FANCM: variants seen among roughly 807,000 people sequenced by gnomAD.
FANCM encodes the protein Fanconi anemia group M protein.
Under a neutral mutation model 199.5 loss-of-function variants are expected in FANCM, and 140 were observed. The observed-to-expected ratio is 0.70, with a 90% confidence interval of 0.61 to 0.81. FANCM has a LOEUF of 0.81. Ranked by LOEUF, FANCM falls within the 30% of genes least tolerant of loss-of-function variation. FANCM has a pLI of 0.00. For missense variants in FANCM, 2,410 were observed against 2,421.4 expected (o/e 1.00, Z 0.10); for synonymous variants, 840 against 836.8 (o/e 1.00, Z -0.07).
At chr14:45,174,972 A>G in intron 13 of FANCM, 99 bp from the exon 14 acceptor site, 1 of 676,226 alleles carries the variant, frequency 1.5e-6, no homozygotes, top group Non-Finnish European at 2.6e-6. Context: ...ACAATGTAAT[A>G]ATATAAATAT....
intron 6 of FANCM, 94 bp from the exon 7 acceptor site, chr14:45,154,603 C>CA: frequency 1.1e-6 from 1 of 910,134 alleles, no homozygotes; most frequent in Non-Finnish European, 1.6e-6. Flanking sequence ...GAAAAACTTA[C>CA]ATTCATTGCT....
chr14:45,135,944 G>GA lies in FANCM; in HGVS notation c.-86dup, dbSNP rs1885448766. 3 of 1,446,700 alleles carry GA rather than the reference G, an allele frequency of 2.1e-6. No individual in the cohort carries two copies. Among genetic ancestry groups the GA allele is most frequent in the Non-Finnish European group, 2.9e-6 (3 of 1,034,226 alleles). 89.6% of individuals were successfully genotyped at this position (1,446,700 alleles called of 1,614,324 possible). On this transcript the variant is annotated 5_prime_UTR_variant, in exon 1 of 23. Transcript: ENST00000267430. ...GCCTTCTCGTTCCAGAGTTTTGTGCGAAGGAAACCGATGGGGATCGGAACC... is the reference window on the plus strand; with the variant it reads ...GCCTTCTCGTTCCAGAGTTTTGTGCGAAAGGAAACCGATGGGGATCGGAACC...
At position 45,175,644 on chromosome 14, in the gene FANCM, G is replaced by A. The variant is rs200017450; in HGVS notation, c.2890G>A (p.Glu964Lys). Reference protein sequence around the residue: ...SVSSNLFLPFEEELYIVRTDD... With the variant: ...SVSSNLFLPFKEELYIVRTDD... ...TTCATCTAACTTATTTCTTCCATTC[G>A]AAGAAGAGCTTTATATTGTTAGAAC... Residue 964 changes from glutamate to lysine, a missense_variant, in exon 14 of 23, where the codon GAA becomes AAA. Glu to Lys is a moderately conservative substitution (Grantham distance 56, BLOSUM62 1). Transcript: ENST00000267430. 3.3e-5 allele frequency: 54 copies of A among 1,612,912 alleles called. No individual in the cohort carries two copies. Among genetic ancestry groups the A allele is most frequent in the Middle Eastern group, 1.6e-4 (1 of 6,076 alleles).
Position 45,176,589 on chromosome 14 carries a change from G to A in FANCM, c.3835G>A (p.Ala1279Thr), listed in dbSNP as rs748611033. 7 of 1,607,696 alleles carry A rather than the reference G, an allele frequency of 4.4e-6. No individual in the cohort carries two copies. In the South Asian group the frequency reaches 6.7e-5, roughly 15 times the overall value. Residue 1279 changes from alanine (A) to threonine (T), a missense_variant, in exon 14 of 23, where the codon GCA becomes ACA. Ala to Thr is a moderately conservative substitution (Grantham distance 58). Transcript: ENST00000267430. ...ISDANYVSNQALIPRDHSKNF... is the reference protein window; with the variant it reads ...ISDANYVSNQTLIPRDHSKNF... ...TGATGCAAATTATGTTTCGAATCAA[G>A]CACTAATACCAAGAGATCATAGTAA...
chr14:45,171,651 T>A (rs533104016), intron 12 of FANCM, among the ~76,000 whole-genome samples: 1 of 152,140 alleles, frequency 6.6e-6, no homozygotes, highest in East Asian at 1.9e-4. Flanking sequence ...GCGAATGTAA[T>A]AATTTCATTC....
At chr14:45,181,072 G>A (rs1356991783) in intron 14 of FANCM, among the ~76,000 whole-genome samples, 1 of 152,114 alleles carries the variant, frequency 6.6e-6, no homozygotes. Context: ...AAGACACAAA[G>A]GGCAGAAAGA....
At chr14:45,187,241 C>T (rs977322936) in intron 18 of FANCM, among the ~76,000 whole-genome samples, 2 of 148,606 alleles carry the variant, frequency 1.3e-5, no homozygotes, top group African/African-American at 4.9e-5. Context: ...TCGAAATTCA[C>T]ATTATCTTTT....
At chr14:45,150,639 C>T (rs1254318986) in intron 4 of FANCM, among the ~76,000 whole-genome samples, 1 of 152,190 alleles carries the variant, frequency 6.6e-6, no homozygotes, top group East Asian at 1.9e-4. Context: ...CATACCTTAT[C>T]ATTCACATGT....
Position 45,185,063 on chromosome 14 carries a change from T to C in FANCM, c.4516-154T>C, listed in dbSNP as rs559326984. On this transcript the variant is annotated intron_variant, in intron 17 of 22. Transcript: ENST00000267430. ...TCCCATAGTGCTGGGATTACAGACA[T>C]GCATCACTGCACTGGGCCTAGAAAT... is the stretch of plus-strand genomic sequence containing the variant. Among the ~76,000 whole-genome samples, 121 of 152,240 alleles carry C rather than the reference T, an allele frequency of 7.9e-4. 1 individual carries two copies. Among genetic ancestry groups the C allele is most frequent in the Non-Finnish European group, 1.2e-3 (83 of 68,010 alleles).
chr14:45,183,770 A>G lies in FANCM; in HGVS notation c.4387-4A>G, dbSNP rs567206367. 3 of 1,603,604 alleles carry G rather than the reference A, an allele frequency of 1.9e-6. No individual in the cohort carries two copies. Among genetic ancestry groups the G allele is most frequent in the South Asian group, 1.1e-5 (1 of 90,464 alleles). ...TATGCAAGAATTTTGTCGAATTATTATAGTCAGAATTATCATCTAGTGATG... is the reference window on the plus strand; with the variant it reads ...TATGCAAGAATTTTGTCGAATTATTGTAGTCAGAATTATCATCTAGTGATG... On this transcript the variant is annotated splice_polypyrimidine_tract_variant and splice_region_variant and intron_variant, in intron 16 of 22. Coordinates refer to ENST00000267430, the MANE Select transcript of FANCM (RefSeq NM_020937.4).
intron 14 of FANCM, chr14:45,180,778 A>C (rs965848041): frequency 2.6e-5 from 4 of 152,628 alleles, no homozygotes; most frequent in Non-Finnish European, 5.8e-5. Flanking sequence ...TCCCAGTGCA[A>C]GTGATGCAAG....
At chr14:45,199,033 C>A in intron 22 of FANCM, 98 bp downstream of exon 22, 2 of 881,614 alleles carry the variant, frequency 2.3e-6, no homozygotes, top group South Asian at 1.6e-5. Context: ...CGGCATCATG[C>A]CTGTTAGATT....
intron 3 of FANCM, among the ~76,000 whole-genome samples, chr14:45,143,218 G>C (rs1227364822): frequency 6.6e-6 from 1 of 150,920 alleles, no homozygotes; most frequent in Non-Finnish European, 1.5e-5. Flanking sequence ...CCTCCAGGCT[G>C]GAGGGCAGTG....
chr14:45,183,797 G>C lies in FANCM; in HGVS notation c.4410G>C (p.Glu1470Asp), dbSNP rs534488351. Residue 1470 changes from glutamate (E) to aspartate (D), a missense_variant, in exon 17 of 23, where the codon GAG (glutamate) becomes GAC (aspartate). Physicochemically the swap from Glu to Asp is conservative, Grantham distance 45. Transcript: ENST00000267430. Reference sequence around the variant, plus strand: ...AGTCAGAATTATCATCTAGTGATGAGAGTGAGAATTTTCCCAAACCATGTT... The same window carrying C: ...AGTCAGAATTATCATCTAGTGATGACAGTGAGAATTTTCCCAAACCATGTT... Reference protein sequence around the residue: ...INRSELSSSDESENFPKPCSQ... With the variant: ...INRSELSSSDDSENFPKPCSQ... The C allele has an allele frequency of 1.5e-4, 237 of 1,608,374 alleles. 1 individual carries two copies. The South Asian group carries it at 2.5e-3, about 17-fold the overall frequency.
chr14:45,161,805 A>T (rs1216749796), intron 9 of FANCM, among the ~76,000 whole-genome samples: 3 of 152,080 alleles, frequency 2.0e-5, no homozygotes, highest in Non-Finnish European at 2.9e-5. Context: ...CATGCTGGTT[A>T]TTGTCTGAAG....
chr14:45,147,435 C>T (rs764900277), intron 3 of FANCM, among the ~76,000 whole-genome samples: 5 of 152,006 alleles, frequency 3.3e-5, no homozygotes, highest in Non-Finnish European at 5.9e-5. Context: ...CAGGTGCTTG[C>T]CACTTCGCCA....
chr14:45,166,278 C>T (rs1465019741), intron 10 of FANCM, among the ~76,000 whole-genome samples: 2 of 151,820 alleles, frequency 1.3e-5, no homozygotes, highest in Non-Finnish European at 2.9e-5. Context: ...ACTACAGGCG[C>T]ATGCCACCAT....
chr14:45,151,254 TATC>T (rs1006050169), intron 4 of FANCM, 140 bp from the exon 5 acceptor site: 5 of 669,342 alleles, frequency 7.5e-6, no homozygotes, highest in African/African-American at 3.7e-5. Context: ...TTTTAAATGT[TATC>T]ATTGCTGAGT....
intron 2 of FANCM, among the ~76,000 whole-genome samples, chr14:45,138,781 AACC>A (rs1272541762): frequency 1.3e-5 from 2 of 152,336 alleles, no homozygotes; most frequent in Admixed American, 1.3e-4. Flanking sequence ...CTTCATTAAT[AACC>A]AGACAGCCCT....
Sources: gnomAD v4.1 joint callset for allele counts (sites outside exome capture counted in the v4.1 genomes callset) on GRCh38, gnomAD v4.1.1 for gene constraint, MANE v1.5 for transcripts, NCBI Gene and HGNC (gene_info 2026-07-23, HGNC 2026-07-21) for gene names.